The following MALRD1 variants were observed in gnomAD, a reference collection of about 807,000 sequenced individuals.
MALRD1 encodes the protein MAM and LDL-receptor class A domain-containing protein 1.
In MALRD1, 247 loss-of-function variants were observed where a neutral mutation model predicts 242.1. That is an observed-to-expected ratio of 1.02 (90% confidence interval 0.92 to 1.13). The LOEUF (loss-of-function observed/expected upper bound fraction) is 1.13. Among genes scored for constraint, MALRD1 ranks in the 50% most tolerant of loss-of-function variants. MALRD1 has a pLI of 0.00. For missense variants in MALRD1, 2,989 were observed against 2,533.1 expected (o/e 1.18, Z -3.86); for synonymous variants, 995 against 866.6 (o/e 1.15, Z -2.60).
chr10:19,470,427 T>C (rs996936324), intron 29 of MALRD1, among the ~76,000 whole-genome samples: 2 of 152,042 alleles, frequency 1.3e-5, no homozygotes, highest in African/African-American at 2.4e-5. Context: ...CTTTGAGATA[T>C]TAATTTCAAT....
At chr10:19,681,384 G>T (rs1032093184) in intron 36 of MALRD1, among the ~76,000 whole-genome samples, 1 of 151,794 alleles carries the variant, frequency 6.6e-6, no homozygotes, top group Non-Finnish European at 1.5e-5. Context: ...CATCATGTCT[G>T]CCTGTCTTAT....
chr10:19,270,211 G>A (rs770192526), intron 19 of MALRD1, among the ~76,000 whole-genome samples: 1 of 152,074 alleles, frequency 6.6e-6, no homozygotes, highest in Non-Finnish European at 1.5e-5. Context: ...AGCTACTCAG[G>A]ACGCTGAGGC....
At chr10:19,494,624 T>G (rs1837633409) in intron 30 of MALRD1, among the ~76,000 whole-genome samples, 1 of 151,980 alleles carries the variant, frequency 6.6e-6, no homozygotes, top group Non-Finnish European at 1.5e-5. Context: ...TACAAGAATT[T>G]TACAATGTAA....
At position 19,275,953 on chromosome 10, in the gene MALRD1, G is replaced by A. The variant is rs1244984931; in HGVS notation, c.3080-4094G>A. Among the ~76,000 whole-genome samples the A allele has an allele frequency of 4.6e-5, 7 of 152,258 alleles. No homozygotes were observed. In the East Asian group the frequency reaches 1.4e-3, roughly 29 times the overall value. ...TTAAGACTTTTACTGTTCTAGTAAT[G>A]TGTATTTACCCTGAGCTTGGAACAC... On this transcript the variant is annotated intron_variant, in intron 19 of 39. Transcript: ENST00000454679.
At chr10:19,411,769 G>T (rs1196268948) in intron 28 of MALRD1, among the ~76,000 whole-genome samples, 1 of 152,076 alleles carries the variant, frequency 6.6e-6, no homozygotes, top group African/African-American at 2.4e-5. Context: ...TATTTTCCTA[G>T]AATTCTTTAA....
chr10:19,666,934 C>T (rs1208360366), intron 36 of MALRD1, among the ~76,000 whole-genome samples: 1 of 152,138 alleles, frequency 6.6e-6, no homozygotes, highest in African/African-American at 2.4e-5. Flanking sequence ...GCAGAAGAAG[C>T]TATCAATGAG....
chr10:19,684,308 A>C (rs1842488504), intron 36 of MALRD1, among the ~76,000 whole-genome samples: 1 of 152,202 alleles, frequency 6.6e-6, no homozygotes, highest in Non-Finnish European at 1.5e-5. Flanking sequence ...TTATTAAAAA[A>C]TCGAGAAAGC....
chr10:19,229,051 C>T (rs1001447806), intron 18 of MALRD1, among the ~76,000 whole-genome samples: 1 of 151,888 alleles, frequency 6.6e-6, no homozygotes, highest in Non-Finnish European at 1.5e-5. Flanking sequence ...GGTTTTGTAG[C>T]ATCACTTTGA....
At chr10:19,167,281 C>T (rs1834730623) in intron 13 of MALRD1, among the ~76,000 whole-genome samples, 1 of 152,062 alleles carries the variant, frequency 6.6e-6, no homozygotes, top group African/African-American at 2.4e-5. Context: ...AGCACTTGAA[C>T]CTGGGAGGTG....
chr10:19,077,196 A>G (rs1590395582), intron 2 of MALRD1, among the ~76,000 whole-genome samples: 2 of 152,084 alleles, frequency 1.3e-5, no homozygotes, highest in Admixed American at 1.3e-4. Context: ...TTTCAGTGAC[A>G]AAAGTTATTA....
intron 29 of MALRD1, among the ~76,000 whole-genome samples, chr10:19,456,758 T>TATTA (rs1436445880): frequency 2.5e-4 from 34 of 136,254 alleles, no homozygotes; most frequent in Non-Finnish European, 3.0e-4. Flanking sequence ...GACATTTATT[T>TATTA]ATTTATTTAT....
chr10:19,593,677 T>C (rs929661569), intron 33 of MALRD1, among the ~76,000 whole-genome samples: 4 of 152,230 alleles, frequency 2.6e-5, no homozygotes, highest in African/African-American at 9.6e-5. Flanking sequence ...ATACATTCTC[T>C]GACCTTTAGA....
intron 29 of MALRD1, among the ~76,000 whole-genome samples, chr10:19,477,093 C>T (rs1342488599): frequency 6.6e-6 from 1 of 152,110 alleles, no homozygotes; most frequent in Non-Finnish European, 1.5e-5. Context: ...ATGCCTGCGG[C>T]TTGAAATGCA....
intron 5 of MALRD1, among the ~76,000 whole-genome samples, chr10:19,121,203 G>C (rs1038372340): frequency 2.6e-5 from 4 of 151,734 alleles, no homozygotes; most frequent in Admixed American, 2.6e-4. Context: ...ACCATGCCTT[G>C]CTAATTTTTG....
chr10:19,180,793 G>A (rs867933347), intron 14 of MALRD1, among the ~76,000 whole-genome samples: 6 of 152,022 alleles, frequency 3.9e-5, no homozygotes, highest in African/African-American at 1.4e-4. Flanking sequence ...CCTGCATATC[G>A]GGAAAAATAT....
intron 18 of MALRD1, among the ~76,000 whole-genome samples, chr10:19,221,081 C>T (rs149640446): frequency 2.0e-5 from 3 of 152,080 alleles, no homozygotes; most frequent in East Asian, 3.9e-4. Context: ...TATTTTTCCC[C>T]CAGGAGGATT....
intron 18 of MALRD1, among the ~76,000 whole-genome samples, chr10:19,218,693 A>G (rs1005795366): frequency 2.0e-5 from 3 of 152,278 alleles, no homozygotes; most frequent in Admixed American, 2.0e-4. Flanking sequence ...TCTTCTTTAA[A>G]GTCTTACAGG....
chr10:19,638,899 CTTTAT>C (rs1040985692), intron 36 of MALRD1, among the ~76,000 whole-genome samples: 3 of 151,546 alleles, frequency 2.0e-5, no homozygotes, highest in African/African-American at 4.9e-5. Flanking sequence ...GGAAGCTTGT[CTTTAT>C]TTTATTTTAT....
intron 36 of MALRD1, among the ~76,000 whole-genome samples, chr10:19,655,697 T>C (rs1284341279): frequency 6.6e-6 from 1 of 151,894 alleles, no homozygotes; most frequent in African/African-American, 2.4e-5. Flanking sequence ...GATTTTCTTT[T>C]AGAGTAGGTA....
Sources: allele counts gnomAD v4.1 joint callset (sites outside exome capture counted in the v4.1 genomes callset), GRCh38; gene constraint gnomAD v4.1.1; transcripts MANE v1.5; gene names NCBI Gene and HGNC (gene_info 2026-07-23, HGNC 2026-07-21).